ADARB2: variants seen among roughly 807,000 people sequenced by gnomAD.
The protein encoded by ADARB2 is adenosine deaminase RNA specific B2 (inactive).
ADARB2 carries 25 observed loss-of-function variants against 62.2 expected under a neutral mutation model. The ratio of observed to expected loss-of-function variants is 0.40; its 90% CI spans 0.29 to 0.56. The LOEUF (loss-of-function observed/expected upper bound fraction) is 0.56. Among genes scored for constraint, ADARB2 ranks in the 20% least tolerant of loss-of-function variants. The pLI, the probability that ADARB2 is intolerant of heterozygous loss-of-function variation, is 0.43. For synonymous variants in ADARB2, 572 were observed against 500.8 expected (o/e 1.14, Z -1.90); for missense variants, 1,071 against 1,077.4 (o/e 0.99, Z 0.08).
rs1049920974 is a variant in ADARB2 at position 1,574,339 on chromosome 10, C to T, written c.100+162712G>A. Among the ~76,000 whole-genome samples the T allele has an allele frequency of 5.3e-5, 8 of 152,280 alleles. No homozygotes were observed. The East Asian group carries it at 7.7e-4, about 15-fold the overall frequency. On this transcript the variant is annotated intron_variant, in intron 1 of 9. Transcript: ENST00000381312. ...GGCTTTGAGTTGAAGATTGAGAAAC[C>T]GGTGCTGAAAGCAGAGGGGACATGG...
intron 3 of ADARB2, among the ~76,000 whole-genome samples, chr10:1,330,948 A>G (rs905577205): frequency 1.3e-5 from 2 of 152,230 alleles, no homozygotes; most frequent in Non-Finnish European, 2.9e-5. Context: ...AAGTAGGCCC[A>G]AATAAAAATA....
At chr10:1,380,903 T>C (rs1248598683) in intron 1 of ADARB2, among the ~76,000 whole-genome samples, 1 of 152,192 alleles carries the variant, frequency 6.6e-6, no homozygotes. Context: ...GATCTCAAGA[T>C]GAAATTACAT....
In ADARB2 at chr10:1,459,556, G is replaced by A. The variant is rs560245261; in HGVS notation, c.101-80396C>T. ...GGGGGGGTGGATCACCTGAGGTCAG[G>A]AGTTTGAGACCAGCCCGGCCAACAT... On this transcript the variant is annotated intron_variant, in intron 1 of 9. Coordinates refer to ENST00000381312, the MANE Select transcript of ADARB2 (RefSeq NM_018702.4). 3.3e-3 allele frequency among the ~76,000 whole-genome samples: 505 copies of A among 152,292 alleles called. 1 individual carries two copies. Among genetic ancestry groups the A allele is most frequent in the Non-Finnish European group, 5.2e-3 (355 of 68,032 alleles).
chr10:1,570,045 T>A (rs889494265), intron 1 of ADARB2, among the ~76,000 whole-genome samples: 6 of 152,170 alleles, frequency 3.9e-5, no homozygotes, highest in Non-Finnish European at 7.3e-5. Flanking sequence ...AAACTACATA[T>A]ATTGATTTTT....
At chr10:1,452,624 G>GC (rs1554764270) in intron 1 of ADARB2, among the ~76,000 whole-genome samples, 1 of 144,222 alleles carries the variant, frequency 6.9e-6, no homozygotes, top group African/African-American at 2.5e-5. Context: ...GGTTGGGGGG[G>GC]GGAATATCAC....
At chr10:1,270,632 C>T (rs949793590) in intron 4 of ADARB2, among the ~76,000 whole-genome samples, 1 of 152,068 alleles carries the variant, frequency 6.6e-6, no homozygotes, top group Non-Finnish European at 1.5e-5. Flanking sequence ...GGAGAGCGTT[C>T]GGGGTGGGTT....
chr10:1,380,122 C>G (rs1200921230), intron 1 of ADARB2, among the ~76,000 whole-genome samples: 1 of 152,222 alleles, frequency 6.6e-6, no homozygotes, highest in East Asian at 1.9e-4. Context: ...GAGACGCCAA[C>G]AGAGACACAG....
intron 1 of ADARB2, among the ~76,000 whole-genome samples, chr10:1,447,701 T>C (rs943368574): frequency 2.6e-5 from 4 of 152,138 alleles, no homozygotes; most frequent in African/African-American, 9.7e-5. Flanking sequence ...AGTACCTGAT[T>C]GGTAGTTTTT....
At chr10:1,217,188 A>G in intron 6 of ADARB2, 69 bp from the exon 7 acceptor site, 1 of 1,430,518 alleles carries the variant, frequency 7.0e-7, no homozygotes, top group South Asian at 1.4e-5. Flanking sequence ...GTGGGAGAAG[A>G]GGAAGGACTG....
At chr10:1,571,499 C>T (rs891743113) in intron 1 of ADARB2, among the ~76,000 whole-genome samples, 1 of 152,234 alleles carries the variant, frequency 6.6e-6, no homozygotes, top group African/African-American at 2.4e-5. Flanking sequence ...TTTTCTGCTG[C>T]AAATGAGTAA....
chr10:1,581,413 G>A (rs959311332), intron 1 of ADARB2, among the ~76,000 whole-genome samples: 3 of 152,198 alleles, frequency 2.0e-5, no homozygotes, highest in Non-Finnish European at 4.4e-5. Context: ...AGGCGGCCAC[G>A]TGGCCTCTTC....
At chr10:1,266,138 G>T (rs1025959979) in intron 4 of ADARB2, among the ~76,000 whole-genome samples, 7 of 152,146 alleles carry the variant, frequency 4.6e-5, no homozygotes, top group African/African-American at 1.4e-4. Flanking sequence ...ACGCTCTCCC[G>T]GAAGACACGG....
chr10:1,670,046 C>T, intron 1 of ADARB2, among the ~76,000 whole-genome samples: 1 of 152,226 alleles, frequency 6.6e-6, no homozygotes, highest in South Asian at 2.1e-4. Flanking sequence ...ACCGTGTCTC[C>T]AGTCTGGAGC....
At chr10:1,596,955 T>A (rs1049793284) in intron 1 of ADARB2, among the ~76,000 whole-genome samples, 5 of 152,118 alleles carry the variant, frequency 3.3e-5, no homozygotes, top group African/African-American at 1.2e-4. Flanking sequence ...ATCGCCGACT[T>A]CTCTCCACGG....
rs1301755230 is a variant in ADARB2, at chr10:1,242,872, CT to C, written c.1193-574del. Among the ~76,000 whole-genome samples the C allele has an allele frequency of 4.6e-5, 7 of 152,210 alleles. No individual in the cohort carries two copies. In the South Asian group the frequency reaches 8.3e-4, roughly 18 times the overall value. ...AGGAACCCCATCCACAAAAATGATA[CT>C]CTCTTCAGGGACTGAAAACAAACAA... On this transcript the variant is annotated intron_variant, in intron 4 of 9. Coordinates refer to ENST00000381312, the MANE Select transcript of ADARB2 (RefSeq NM_018702.4).
chr10:1,685,143 C>A (rs138891405), intron 1 of ADARB2, among the ~76,000 whole-genome samples: 6 of 152,276 alleles, frequency 3.9e-5, no homozygotes, highest in Non-Finnish European at 8.8e-5. Context: ...TTTCTATGAG[C>A]AGGGCATGTC....
At chr10:1,551,686 C>G (rs930123941) in intron 1 of ADARB2, among the ~76,000 whole-genome samples, 2 of 152,204 alleles carry the variant, frequency 1.3e-5, no homozygotes, top group Non-Finnish European at 2.9e-5. Context: ...GAGGGAGCAC[C>G]TGAGGCGCCA....
intron 1 of ADARB2, among the ~76,000 whole-genome samples, chr10:1,544,463 G>A (rs998021183): frequency 6.6e-6 from 1 of 152,236 alleles, no homozygotes; most frequent in African/African-American, 2.4e-5. Context: ...ACGTGGACTA[G>A]CTGCTTGCCT....
At chr10:1,389,268 A>G (rs779969903) in intron 1 of ADARB2, among the ~76,000 whole-genome samples, 27 of 152,340 alleles carry the variant, frequency 1.8e-4, no homozygotes, top group Middle Eastern at 3.4e-3. Flanking sequence ...AGCACTAACT[A>G]CAAAAGAAAA....
Sources: allele counts gnomAD v4.1 joint callset (sites outside exome capture counted in the v4.1 genomes callset), GRCh38; gene constraint gnomAD v4.1.1; transcripts MANE v1.5; gene names NCBI Gene and HGNC (gene_info 2026-07-23, HGNC 2026-07-21).